CRB1: variants seen among roughly 807,000 people sequenced by gnomAD.
CRB1 encodes protein crumbs homolog 1.
CRB1 carries 83 observed loss-of-function variants against 120.0 expected under a neutral mutation model. The observed-to-expected ratio is 0.69, with a 90% CI of 0.58 to 0.83. The LOEUF is 0.83. Among genes scored for constraint, CRB1 ranks in the 40% least tolerant of loss-of-function variants. The pLI is 0.00. For missense variants in CRB1, 1,699 were observed against 1,687.6 expected, an observed-to-expected ratio of 1.01 and a Z score of -0.12; for synonymous variants, 625 against 612.5, an observed-to-expected ratio of 1.02 and a Z score of -0.30.
At chr1:197,419,444 T>A (rs983242474) in intron 5 of CRB1, among the ~76,000 whole-genome samples, 2 of 151,254 alleles carry the variant, frequency 1.3e-5, no homozygotes, top group Non-Finnish European at 2.9e-5. Context: ...CTCACTGCAA[T>A]CTTCACCTCC....
Position 197,477,678 on chromosome 1 carries a change from G to C in CRB1, c.4020G>C (p.Leu1340Phe), listed in dbSNP as rs1667256104. 1 of 1,613,654 alleles carries C rather than the reference G, an allele frequency of 6.2e-7. No homozygotes were observed. Among genetic ancestry groups the C allele is most frequent in the African/African-American group, 1.3e-5 (1 of 74,904 alleles). Residue 1340 changes from leucine (L) to phenylalanine (F), a missense_variant, in exon 12 of 12, where the codon TTG becomes TTC. By Grantham distance (22) the Leu-to-Phe change is conservative. Transcript: ENST00000367400. ...ERCEVDLADD[L>F]ISDIFTTIGS... is the part of the protein sequence containing the mutation. ...AATCTTTCCAGTTGGCAGATGACTTGATCTCCGACATTTTCACCACTATTG... is the reference window on the plus strand; with the variant it reads ...AATCTTTCCAGTTGGCAGATGACTTCATCTCCGACATTTTCACCACTATTG...
intron 2 of CRB1, among the ~76,000 whole-genome samples, chr1:197,331,620 A>G (rs747342640): frequency 2.0e-5 from 3 of 152,192 alleles, no homozygotes; most frequent in Non-Finnish European, 4.4e-5. Flanking sequence ...CAATGGTCAC[A>G]TTTAAAAATC....
the CRB1 span, among the ~76,000 whole-genome samples, chr1:197,244,558 G>A: frequency 6.6e-6 from 1 of 151,656 alleles, no homozygotes; most frequent in Admixed American, 6.6e-5. Flanking sequence ...TTACAGGTAG[G>A]GTGTAATTTC....
chr1:197,416,882 G>C (rs1452209137), intron 5 of CRB1, among the ~76,000 whole-genome samples: 1 of 152,002 alleles, frequency 6.6e-6, no homozygotes, highest in East Asian at 1.9e-4. Flanking sequence ...GCTAATTTTT[G>C]TATCTTTAGT....
intron 1 of CRB1, among the ~76,000 whole-genome samples, chr1:197,286,333 A>G (rs750003119): frequency 1.3e-5 from 2 of 151,868 alleles, no homozygotes; most frequent in Admixed American, 6.6e-5. Flanking sequence ...CCTGCAATGT[A>G]CCTGTTATCT....
chr1:197,405,905 TG>T (rs1341845364), intron 5 of CRB1, among the ~76,000 whole-genome samples: 5 of 148,090 alleles, frequency 3.4e-5, no homozygotes, highest in Non-Finnish European at 7.4e-5. Context: ...GGGAAGGAGG[TG>T]GGGGTCAGCC....
intron 5 of CRB1, among the ~76,000 whole-genome samples, chr1:197,395,556 C>T (rs1302419650): frequency 6.6e-6 from 1 of 151,964 alleles, no homozygotes; most frequent in Non-Finnish European, 1.5e-5. Context: ...TCAACATACC[C>T]CTCTCCCTAT....
At chr1:197,309,279 T>C (rs1657367292) in intron 1 of CRB1, among the ~76,000 whole-genome samples, 1 of 152,178 alleles carries the variant, frequency 6.6e-6, no homozygotes, top group Non-Finnish European at 1.5e-5. Flanking sequence ...ACAGAAGATC[T>C]TTGAATTTGA....
the CRB1 span, among the ~76,000 whole-genome samples, chr1:197,241,953 A>T: frequency 6.6e-6 from 1 of 152,094 alleles, no homozygotes; most frequent in Non-Finnish European, 1.5e-5. Flanking sequence ...GTTTGTAGCA[A>T]TTGTGAATGG....
At chr1:197,203,761 G>GA in the CRB1 span, among the ~76,000 whole-genome samples, 1 of 152,116 alleles carries the variant, frequency 6.6e-6, no homozygotes, top group Non-Finnish European at 1.5e-5. Context: ...TAGATATTTA[G>GA]AAAAAATGGT....
chr1:197,367,052 A>C (rs934822812), intron 5 of CRB1, among the ~76,000 whole-genome samples: 9 of 152,250 alleles, frequency 5.9e-5, no homozygotes, highest in Admixed American at 1.3e-4. Context: ...AAACCTGCAC[A>C]TCCACATAAT....
the CRB1 span, among the ~76,000 whole-genome samples, chr1:197,254,088 T>C: frequency 6.6e-6 from 1 of 152,082 alleles, no homozygotes; most frequent in Admixed American, 6.6e-5. Context: ...CTCTTCTCCT[T>C]CTTTACGGAG....
chr1:197,402,324 CT>C (rs1480504697), intron 5 of CRB1, among the ~76,000 whole-genome samples: 10 of 152,124 alleles, frequency 6.6e-5, no homozygotes, highest in Non-Finnish European at 8.8e-5. Flanking sequence ...TTTTCTGTTC[CT>C]GCATTAGTTT....
chr1:197,313,295 A>G (rs1657657114), intron 1 of CRB1, among the ~76,000 whole-genome samples: 1 of 152,214 alleles, frequency 6.6e-6, no homozygotes, highest in Non-Finnish European at 1.5e-5. Context: ...TTACAATTCA[A>G]CATAAGATTT....
intron 5 of CRB1, chr1:197,357,241 C>T (rs139347552): frequency 4.3e-5 from 26 of 603,854 alleles, no homozygotes; most frequent in Non-Finnish European, 6.9e-5. Context: ...AAAGGGATGA[C>T]ATTTTTATAT....
At chr1:197,222,931 T>C in the CRB1 span, 1 of 990,658 alleles carries the variant, frequency 1.0e-6, no homozygotes, top group Non-Finnish European at 1.6e-6. Flanking sequence ...AAAATCCTGT[T>C]GACGCTCTGC....
the CRB1 span, among the ~76,000 whole-genome samples, chr1:197,203,228 A>T: frequency 1.3e-5 from 2 of 152,206 alleles, no homozygotes; most frequent in East Asian, 1.9e-4. Flanking sequence ...CTACTGAAAA[A>T]TTTTTAAATG....
At position 197,353,910 on chromosome 1, in the gene CRB1, T is replaced by C. The variant is rs377143095; in HGVS notation, c.989-2921T>C. Among the ~76,000 whole-genome samples the C allele has an allele frequency of 2.0e-4, 30 of 148,084 alleles. No individual in the cohort carries two copies. The East Asian group carries it at 5.8e-3, about 29-fold the overall frequency. ...ATTGACCATCAGTGTTATATGTGCA[T>C]CCTACTAAATTTACATTTTGGGGCG... On this transcript the variant is annotated intron_variant, in intron 4 of 11. Transcript: ENST00000367400.
At chr1:197,449,053 A>G (rs964605175) in intron 11 of CRB1, among the ~76,000 whole-genome samples, 1 of 152,218 alleles carries the variant, frequency 6.6e-6, no homozygotes, top group Admixed American at 6.5e-5. Flanking sequence ...CAGGCTATTT[A>G]AGAATACAAA....
Sources: allele counts gnomAD v4.1 joint callset (sites outside exome capture counted in the v4.1 genomes callset), GRCh38; gene constraint gnomAD v4.1.1; transcripts MANE v1.5; gene names NCBI Gene and HGNC (gene_info 2026-07-23, HGNC 2026-07-21).